Variants in SGCZ observed in about 807,000 individuals in gnomAD.
SGCZ encodes zeta-sarcoglycan.
A neutral mutation model predicts 41.3 loss-of-function variants in SGCZ; 40 were observed. The ratio of observed to expected loss-of-function variants is 0.97; its 90% CI spans 0.75 to 1.26. The LOEUF is 1.26. Among genes scored for constraint, SGCZ ranks in the 50% most tolerant of loss-of-function variants. The pLI, the probability that SGCZ is intolerant of heterozygous loss-of-function variation, is 0.00. For missense variants in SGCZ, 552 were observed against 369.8 expected (o/e 1.49, Z -4.04); for synonymous variants, 206 against 137.5 (o/e 1.50, Z -3.49).
intron 2 of SGCZ, among the ~76,000 whole-genome samples, chr8:14,471,484 T>G (rs893131637): frequency 1.3e-5 from 2 of 152,068 alleles, no homozygotes; most frequent in Non-Finnish European, 2.9e-5. Flanking sequence ...ATTATTCTGA[T>G]GACATATACA....
At chr8:14,749,593 C>A (rs1391983749) in intron 1 of SGCZ, among the ~76,000 whole-genome samples, 1 of 152,040 alleles carries the variant, frequency 6.6e-6, no homozygotes, top group Non-Finnish European at 1.5e-5. Flanking sequence ...GTGGTCTATT[C>A]TGGGACATTT....
chr8:14,128,715 A>ATATACACACACAC (rs2117052247), intron 5 of SGCZ, among the ~76,000 whole-genome samples: 1 of 151,932 alleles, frequency 6.6e-6, no homozygotes, highest in African/African-American at 2.4e-5. Flanking sequence ...GTATATATAC[A>ATATACACACACAC]TATACACACA....
intron 2 of SGCZ, among the ~76,000 whole-genome samples, chr8:14,348,771 A>G (rs774537152): frequency 2.0e-5 from 3 of 152,180 alleles, no homozygotes; most frequent in Non-Finnish European, 2.9e-5. Context: ...GGCTAAGAAT[A>G]TATCATTCAG....
At chr8:15,194,484 G>A (rs1300563126) in intron 1 of SGCZ, among the ~76,000 whole-genome samples, 1 of 152,106 alleles carries the variant, frequency 6.6e-6, no homozygotes, top group Non-Finnish European at 1.5e-5. Flanking sequence ...ACCTTACCTT[G>A]CAAAAGGGAC....
intron 1 of SGCZ, among the ~76,000 whole-genome samples, chr8:14,887,033 G>A (rs1350680033): frequency 2.0e-5 from 3 of 152,080 alleles, no homozygotes; most frequent in African/African-American, 7.2e-5. Context: ...GAAAGGTGAT[G>A]CCATTTAGTG....
At chr8:14,172,148 T>C (rs905107747) in intron 4 of SGCZ, among the ~76,000 whole-genome samples, 1 of 152,158 alleles carries the variant, frequency 6.6e-6, no homozygotes, top group African/African-American at 2.4e-5. Flanking sequence ...GATGACCTAG[T>C]GTTTTATGCA....
At chr8:14,868,122 A>G (rs1585332416) in intron 1 of SGCZ, among the ~76,000 whole-genome samples, 2 of 152,242 alleles carry the variant, frequency 1.3e-5, no homozygotes, top group East Asian at 1.9e-4. Flanking sequence ...CGCTGTTCTC[A>G]TGACCTGGAA....
intron 2 of SGCZ, among the ~76,000 whole-genome samples, chr8:14,512,175 G>A (rs1011116506): frequency 1.3e-5 from 2 of 152,148 alleles, no homozygotes. Flanking sequence ...CAGATAATCT[G>A]AGTAAGTTGG....
At chr8:14,139,445 G>C (rs541860679) in intron 5 of SGCZ, among the ~76,000 whole-genome samples, 2 of 152,182 alleles carry the variant, frequency 1.3e-5, no homozygotes, top group South Asian at 2.1e-4. Context: ...TAGACTGCTA[G>C]CAAGACTAAT....
At chr8:14,989,908 G>C (rs554115319) in intron 1 of SGCZ, among the ~76,000 whole-genome samples, 5 of 152,204 alleles carry the variant, frequency 3.3e-5, no homozygotes, top group Non-Finnish European at 5.9e-5. Context: ...AGAGACAAGT[G>C]AACTGTCCTG....
chr8:14,595,467 G>C (rs1193723398), intron 1 of SGCZ, among the ~76,000 whole-genome samples: 1 of 151,388 alleles, frequency 6.6e-6, no homozygotes, highest in Non-Finnish European at 1.5e-5. Context: ...TGGCTGGAAA[G>C]AGAAAAGGAA....
chr8:14,162,250 C>G (rs1585191296), intron 5 of SGCZ, among the ~76,000 whole-genome samples: 1 of 152,114 alleles, frequency 6.6e-6, no homozygotes, highest in African/African-American at 2.4e-5. Context: ...ACTCTAGAAT[C>G]TCCCTTTACT....
chr8:14,959,732 T>C lies in SGCZ; in HGVS notation c.39+277853A>G, dbSNP rs1439005165. Among the ~76,000 whole-genome samples, 9 of 152,152 alleles carry C rather than the reference T, an allele frequency of 5.9e-5. No individual in the cohort carries two copies. The East Asian group carries it at 1.7e-3, about 29-fold the overall frequency. On this transcript the variant is annotated intron_variant, in intron 1 of 7. Transcript: ENST00000382080. ...ACTTTTTAAAGATTCTCTGTAATCG[T>C]TCACGCTTTAATTCTACTGGTTTGT...
At chr8:14,748,466 C>A (rs183877459) in intron 1 of SGCZ, among the ~76,000 whole-genome samples, 34 of 152,182 alleles carry the variant, frequency 2.2e-4, no homozygotes, top group African/African-American at 7.7e-4. Flanking sequence ...AAGAATTTTG[C>A]CCCAGGTATT....
In SGCZ at chr8:14,846,840, C is replaced by A. The variant is rs145249251; in HGVS notation, c.40-291914G>T. On this transcript the variant is annotated intron_variant, in intron 1 of 7. Transcript: ENST00000382080. ...ATCCTAGCACTTTGGGAGGCCGAGT[C>A]GGGTGGATTGCCTGAGTTCAGGAGT... 1.9e-3 allele frequency among the ~76,000 whole-genome samples: 288 copies of A among 151,758 alleles called. 2 individuals carry two copies. The highest frequency in any genetic ancestry group is 6.3e-3 in the African/African-American group (259 of 41,362).
intron 2 of SGCZ, among the ~76,000 whole-genome samples, chr8:14,349,193 G>A: frequency 6.6e-6 from 1 of 152,074 alleles, no homozygotes; most frequent in Non-Finnish European, 1.5e-5. Context: ...ATGTCCATAT[G>A]GAAAAATTAA....
At chr8:14,947,277 C>T (rs980314106) in intron 1 of SGCZ, among the ~76,000 whole-genome samples, 9 of 152,164 alleles carry the variant, frequency 5.9e-5, no homozygotes, top group African/African-American at 1.9e-4. Context: ...AGCAAACACA[C>T]AGTGAGGTAA....
chr8:15,112,341 G>T (rs182280305), intron 1 of SGCZ, among the ~76,000 whole-genome samples: 138 of 152,208 alleles, frequency 9.1e-4, no homozygotes, highest in Middle Eastern at 6.8e-3. Context: ...CAATAGTATT[G>T]AGTTTTGGAC....
chr8:14,672,330 ACCAG>A (rs1245422497), intron 1 of SGCZ, among the ~76,000 whole-genome samples: 19 of 152,242 alleles, frequency 1.2e-4, no homozygotes, highest in African/African-American at 4.6e-4. Flanking sequence ...ATAGCGGAAA[ACCAG>A]CTGTAAATAT....
Sources: gnomAD v4.1 joint callset for allele counts (sites outside exome capture counted in the v4.1 genomes callset) on GRCh38, gnomAD v4.1.1 for gene constraint, MANE v1.5 for transcripts, NCBI Gene and HGNC (gene_info 2026-07-23, HGNC 2026-07-21) for gene names.